The following ATG7 variants were observed in gnomAD, a reference collection of about 807,000 sequenced individuals.
ATG7 encodes ubiquitin-like modifier-activating enzyme ATG7.
Under a neutral mutation model 82.4 loss-of-function variants are expected in ATG7, and 70 were observed. The ratio of observed to expected loss-of-function variants is 0.85; its 90% CI spans 0.70 to 1.04. ATG7 has a LOEUF of 1.04. ATG7 is among the 50% of genes least tolerant of loss of function. The pLI, the probability that ATG7 is intolerant of heterozygous loss-of-function variation, is 0.00. For synonymous variants in ATG7, 287 were observed against 313.0 expected (o/e 0.92, Z 0.88); for missense variants, 792 against 864.3 (o/e 0.92, Z 1.05).
intron 12 of ATG7, 119 bp downstream of exon 12, chr3:11,340,854 G>A (rs1953450956): frequency 1.0e-5 from 8 of 794,876 alleles, no homozygotes; most frequent in Admixed American, 7.4e-5. Flanking sequence ...TCATGCTGCC[G>A]TGTGTTACTC....
chr3:11,315,212 A>C, intron 8 of ATG7, 132 bp from the exon 9 acceptor site: 1 of 785,816 alleles, frequency 1.3e-6, no homozygotes, highest in Non-Finnish European at 1.8e-6. Context: ...CACTTGCTGT[A>C]ATAGAGTAAG....
At chr3:11,573,292 AAAGAAAGAAAGAAAGGAAGGAAGG>A in the ATG7 span, among the ~76,000 whole-genome samples, 209 of 11,018 alleles carry the variant, frequency 0.019, 18 homozygotes, top group East Asian at 0.062. Context: ...AGAAAGAAAG[AAAGAAAGAAAGAAAGGAAGGAAGG>A]AAGAAAGAAA....
chr3:11,469,970 C>T (rs556453970), intron 20 of ATG7, among the ~76,000 whole-genome samples: 14 of 120,464 alleles, frequency 1.2e-4, no homozygotes, highest in Admixed American at 2.1e-4. Context: ...GCCTGGGTGA[C>T]GGAACGAGAC....
chr3:11,550,242 C>CT (rs1402436217), intron 20 of ATG7, among the ~76,000 whole-genome samples: 1 of 151,334 alleles, frequency 6.6e-6, no homozygotes, highest in Non-Finnish European at 1.5e-5. Context: ...CTGGTTAGTA[C>CT]TTTTTGTGTC....
intron 3 of ATG7, among the ~76,000 whole-genome samples, chr3:11,295,399 A>C (rs1041017751): frequency 6.6e-6 from 1 of 152,122 alleles, no homozygotes; most frequent in African/African-American, 2.4e-5. Flanking sequence ...ATCTTTTTAA[A>C]TGTGGAAAGC....
At chr3:11,518,972 C>A (rs2092360243) in intron 20 of ATG7, among the ~76,000 whole-genome samples, 2 of 152,012 alleles carry the variant, frequency 1.3e-5, no homozygotes, top group Admixed American at 1.3e-4. Context: ...TAAAAATTTT[C>A]ATCAAGATTT....
At chr3:11,324,896 C>T (rs1316380044) in intron 9 of ATG7, among the ~76,000 whole-genome samples, 1 of 152,136 alleles carries the variant, frequency 6.6e-6, no homozygotes, top group East Asian at 1.9e-4. Context: ...CTGAAGACAG[C>T]TAACTATGTA....
rs113673746 is a variant in ATG7, at chr3:11,408,305, G to A, written c.1957-18499G>A. ...TCTCCATTTGAGACCACCTTAGCCT[G>A]GACCTTGTTTATATCACTATCAGCA... is the stretch of plus-strand genomic sequence containing the variant. On this transcript the variant is annotated intron_variant, in intron 19 of 20. Coordinates refer to ENST00000693202, the MANE Select transcript of ATG7 (RefSeq NM_001349232.2). Among the ~76,000 whole-genome samples, 328 of 152,226 alleles carry A rather than the reference G, an allele frequency of 2.2e-3. 1 individual carries two copies. The highest frequency in any genetic ancestry group is 7.5e-3 in the African/African-American group (313 of 41,550).
At chr3:11,478,239 TA>T (rs1248205959) in intron 20 of ATG7, among the ~76,000 whole-genome samples, 2 of 152,206 alleles carry the variant, frequency 1.3e-5, no homozygotes, top group African/African-American at 2.4e-5. Context: ...TATCCAAACT[TA>T]AAAAAAATTA....
chr3:11,525,684 A>T (rs966732018), intron 20 of ATG7, among the ~76,000 whole-genome samples: 8 of 151,030 alleles, frequency 5.3e-5, no homozygotes, highest in African/African-American at 1.7e-4. Flanking sequence ...CCTCCTGAGT[A>T]GCTGGAACTA....
chr3:11,565,386 G>A, the ATG7 span, among the ~76,000 whole-genome samples: 5 of 152,102 alleles, frequency 3.3e-5, no homozygotes, highest in African/African-American at 9.7e-5. This position sits in a 1 kb window ranked among gnomAD's most constrained non-coding sequence, Gnocchi z 4.1. Flanking sequence ...GGACGGGGAC[G>A]CTGACAACGA....
rs937271369 is a variant in ATG7 at position 11,524,403 on chromosome 3, T to A, written c.2080-30408T>A. ...ACACAAGTTCCATACACAACGGTGA[T>A]AGCTGCTACATATTTCTCAGAAAAG... On this transcript the variant is annotated intron_variant, in intron 20 of 20. Coordinates refer to ENST00000693202, the MANE Select transcript of ATG7 (RefSeq NM_001349232.2). 2.0e-5 allele frequency among the ~76,000 whole-genome samples: 3 copies of A among 152,332 alleles called. 1 individual carries two copies. The highest frequency in any genetic ancestry group is 7.2e-5 in the African/African-American group (3 of 41,568).
the ATG7 span, among the ~76,000 whole-genome samples, chr3:11,570,318 A>T: frequency 1.3e-5 from 2 of 151,618 alleles, no homozygotes; most frequent in Non-Finnish European, 2.9e-5. Flanking sequence ...ATTTCCACCC[A>T]CCTTCCTGCC....
At chr3:11,536,836 T>G (rs2070349531) in intron 20 of ATG7, among the ~76,000 whole-genome samples, 1 of 152,304 alleles carries the variant, frequency 6.6e-6, no homozygotes, top group Middle Eastern at 3.4e-3. Context: ...TCAGCAGCTG[T>G]GTAGGGTGAA....
intron 20 of ATG7, among the ~76,000 whole-genome samples, chr3:11,506,815 G>A (rs1022408731): frequency 6.6e-6 from 1 of 152,080 alleles, no homozygotes; most frequent in African/African-American, 2.4e-5. Flanking sequence ...CTAGAGGAGT[G>A]GTCTAGAACT....
At chr3:11,520,718 C>T (rs769226418) in intron 20 of ATG7, among the ~76,000 whole-genome samples, 25 of 152,332 alleles carry the variant, frequency 1.6e-4, no homozygotes, top group South Asian at 4.1e-4. Context: ...GTCTCACAGT[C>T]ATTCTGTGGA....
intron 20 of ATG7, among the ~76,000 whole-genome samples, chr3:11,538,886 A>C (rs1166782834): frequency 6.6e-6 from 1 of 151,548 alleles, no homozygotes; most frequent in African/African-American, 2.4e-5. Flanking sequence ...AAAAAAAAGA[A>C]AAAGAAAAAG....
At chr3:11,426,727 C>G in intron 19 of ATG7, 77 bp from the exon 20 acceptor site, 2 of 1,322,186 alleles carry the variant, frequency 1.5e-6, no homozygotes, top group African/African-American at 1.5e-5. Flanking sequence ...TTGACAAGAG[C>G]TTGTTAGAAG....
At chr3:11,339,065 G>C (rs965830683) in intron 11 of ATG7, among the ~76,000 whole-genome samples, 6 of 152,140 alleles carry the variant, frequency 3.9e-5, no homozygotes, top group African/African-American at 1.4e-4. Context: ...GGGAGGCCAA[G>C]GCGGGTGGAT....
Sources: gnomAD v4.1 joint callset for allele counts (sites outside exome capture counted in the v4.1 genomes callset) on GRCh38, gnomAD v4.1.1 for gene constraint, Gnocchi (gnomAD v3.1) non-coding constraint, MANE v1.5 for transcripts, NCBI Gene and HGNC (gene_info 2026-07-23, HGNC 2026-07-21) for gene names.